AIDA: variants seen among roughly 807,000 people sequenced by gnomAD.
AIDA encodes the protein axin interactor, dorsalization associated.
AIDA carries 18 observed loss-of-function variants against 42.7 expected under a neutral mutation model. That is an observed-to-expected ratio of 0.42 (90% confidence interval 0.29 to 0.63). AIDA has a LOEUF of 0.63. Among genes scored for constraint, AIDA ranks in the 20% least tolerant of loss-of-function variants. The probability of loss-of-function intolerance (pLI) is 0.19; values close to 1 mark genes in which losing one functional copy is unlikely to be tolerated. For synonymous variants in AIDA, 104 were observed against 122.9 expected (o/e 0.85, Z 1.02); for missense variants, 250 against 354.1 (o/e 0.71, Z 2.36).
chr1:222,680,977 CAA>C (rs967396505), intron 6 of AIDA, among the ~76,000 whole-genome samples: 5 of 151,720 alleles, frequency 3.3e-5, no homozygotes, highest in Non-Finnish European at 7.4e-5. Context: ...TAAGTGGACA[CAA>C]GAGATGACTT....
intron 8 of AIDA, among the ~76,000 whole-genome samples, chr1:222,672,407 C>T (rs1664465758): frequency 6.6e-6 from 1 of 152,098 alleles, no homozygotes; most frequent in Admixed American, 6.5e-5. Flanking sequence ...TAAGCACCTC[C>T]TACATACATA....
rs115470844 is a variant in AIDA at position 222,707,183 on chromosome 1, A to C, written c.111-3966T>G. 7.0e-4 allele frequency among the ~76,000 whole-genome samples: 107 copies of C among 152,164 alleles called. 1 individual carries two copies. Among genetic ancestry groups the C allele is most frequent in the African/African-American group, 2.6e-3 (106 of 41,526 alleles). Reference sequence around the variant, plus strand: ...TAACTTTTTTTTTGAGACAGGAGGAAAAAAAAACAACTTGGGCAGGCTGGA... The same window carrying C: ...TAACTTTTTTTTTGAGACAGGAGGACAAAAAAACAACTTGGGCAGGCTGGA... On this transcript the variant is annotated intron_variant, in intron 1 of 9. Transcript: ENST00000340020.
intron 1 of AIDA, 87 bp downstream of exon 1, chr1:222,712,121 G>C: frequency 6.5e-7 from 1 of 1,539,522 alleles, no homozygotes; most frequent in Non-Finnish European, 8.8e-7. Flanking sequence ...CTTGGCTGCA[G>C]ATACGGTGAT....
chr1:222,687,751 G>C, intron 4 of AIDA, 93 bp from the exon 5 acceptor site: 1 of 967,346 alleles, frequency 1.0e-6, no homozygotes, highest in East Asian at 3.2e-5. Context: ...ATTTTATTGT[G>C]CATATTAATA....
chr1:222,712,362 C>G lies in AIDA; in HGVS notation c.-45G>C. 1 of 1,423,872 alleles carries G rather than the reference C, an allele frequency of 7.0e-7. No homozygotes were observed. The highest frequency in any genetic ancestry group is 1.3e-5 in the South Asian group (1 of 75,732). 88.2% of individuals were successfully genotyped at this position (1,423,872 alleles called of 1,614,324 possible). ...CCCTCCCGCCCCTACCCCAGCAAGG[C>G]CGGGTTCTAGGGCGCCATCCTCCCC... On this transcript the variant is annotated 5_prime_UTR_variant, in exon 1 of 10. Transcript: ENST00000340020.
intron 6 of AIDA, among the ~76,000 whole-genome samples, chr1:222,683,412 T>C (rs983737714): frequency 3.3e-5 from 5 of 152,228 alleles, no homozygotes; most frequent in African/African-American, 1.2e-4. Flanking sequence ...TCTTTCAAGT[T>C]CAACTCAGAA....
chr1:222,704,917 A>G (rs771565096), intron 1 of AIDA, among the ~76,000 whole-genome samples: 51 of 152,340 alleles, frequency 3.3e-4, no homozygotes, highest in Admixed American at 7.8e-4. Flanking sequence ...GAACAGGAAT[A>G]CAAAGGGTAG....
At chr1:222,676,932 A>C (rs1664554917) in intron 6 of AIDA, among the ~76,000 whole-genome samples, 1 of 148,828 alleles carries the variant, frequency 6.7e-6, no homozygotes, top group East Asian at 1.9e-4. Flanking sequence ...CCACAAAAAA[A>C]AACAAACAAA....
chr1:222,689,997 A>C (rs183335859), intron 4 of AIDA, among the ~76,000 whole-genome samples: 8 of 152,274 alleles, frequency 5.3e-5, no homozygotes, highest in Non-Finnish European at 1.2e-4. Context: ...GGTTACATAC[A>C]TAAAAACTTA....
At chr1:222,680,597 T>C (rs1300877993) in intron 6 of AIDA, among the ~76,000 whole-genome samples, 2 of 152,198 alleles carry the variant, frequency 1.3e-5, no homozygotes, top group African/African-American at 4.8e-5. Context: ...CTTATTAATA[T>C]GGTTGTACCT....
At chr1:222,683,461 C>A (rs149810863) in intron 6 of AIDA, among the ~76,000 whole-genome samples, 109 of 152,288 alleles carry the variant, frequency 7.2e-4, no homozygotes, top group African/African-American at 2.5e-3. Flanking sequence ...ACAGGTTTGA[C>A]ATTAAATAGG....
chr1:222,685,885 C>G (rs1049373342), intron 6 of AIDA, among the ~76,000 whole-genome samples: 2 of 152,316 alleles, frequency 1.3e-5, no homozygotes, highest in East Asian at 3.9e-4. Context: ...TATGGCCGGG[C>G]GCAATGGCTC....
rs73124876 is a variant in AIDA, at chr1:222,696,308, C to T, written c.181-2045G>A. Among the ~76,000 whole-genome samples, 1,099 of 152,250 alleles carry T rather than the reference C, an allele frequency of 7.2e-3. 14 individuals carry two copies. Among genetic ancestry groups the T allele is most frequent in the African/African-American group, 0.025 (1,044 of 41,550 alleles). On this transcript the variant is annotated intron_variant, in intron 2 of 9. Coordinates refer to ENST00000340020, the MANE Select transcript of AIDA (RefSeq NM_022831.4). ...TCCTCAAATTATTGTTATTCAAACA[C>T]GCCACTCAATTCTAACAAAACTAGT...
At chr1:222,681,195 G>T (rs1217363377) in intron 6 of AIDA, among the ~76,000 whole-genome samples, 1 of 152,176 alleles carries the variant, frequency 6.6e-6, no homozygotes, top group Non-Finnish European at 1.5e-5. Context: ...GTACCTCTGA[G>T]GAACTGCCCT....
intron 1 of AIDA, among the ~76,000 whole-genome samples, chr1:222,711,139 T>A (rs1571947307): frequency 6.6e-6 from 1 of 152,246 alleles, no homozygotes; most frequent in African/African-American, 2.4e-5. Context: ...CGTGGTTTCA[T>A]ACTCAGTGAA....
rs367751545 is a variant in AIDA, at chr1:222,673,308, C to T, written c.706+5G>A. ...AGAAGCCAAGTATTATTTAGGATTA[C>T]AAACCTTTGGTTAATTTTTCAACAT... On this transcript the variant is annotated splice_donor_5th_base_variant and intron_variant, in intron 8 of 9. Coordinates refer to ENST00000340020, the MANE Select transcript of AIDA (RefSeq NM_022831.4). The T allele has an allele frequency of 6.2e-7, 1 of 1,601,788 alleles. No individual in the cohort carries two copies. The highest frequency in any genetic ancestry group is 1.3e-5 in the African/African-American group (1 of 74,444).
intron 6 of AIDA, among the ~76,000 whole-genome samples, chr1:222,684,235 C>T (rs143764719): frequency 0.015 from 2,269 of 152,110 alleles, 24 homozygotes; most frequent in Non-Finnish European, 0.023. Context: ...CCTCAGCTTC[C>T]CAAGTAGCTG....
intron 4 of AIDA, among the ~76,000 whole-genome samples, chr1:222,690,401 T>A (rs562321738): frequency 6.6e-6 from 1 of 152,262 alleles, no homozygotes; most frequent in Non-Finnish European, 1.5e-5. Flanking sequence ...AGGGTATGTA[T>A]GTAATTCAGT....
chr1:222,699,831 G>A (rs1571939110), intron 2 of AIDA, among the ~76,000 whole-genome samples: 2 of 151,888 alleles, frequency 1.3e-5, no homozygotes, highest in South Asian at 4.2e-4. Flanking sequence ...GAGTGCAGTG[G>A]TGCGATCTCG....
Sources: allele counts gnomAD v4.1 joint callset (sites outside exome capture counted in the v4.1 genomes callset), GRCh38; gene constraint gnomAD v4.1.1; transcripts MANE v1.5; gene names NCBI Gene and HGNC (gene_info 2026-07-23, HGNC 2026-07-21).